Variants in PKN2 observed in about 807,000 individuals in gnomAD.
PKN2 encodes protein kinase N2.
In PKN2, 38 loss-of-function variants were observed where a neutral mutation model predicts 119.1. The ratio of observed to expected loss-of-function variants is 0.32; its 90% CI spans 0.25 to 0.42. PKN2 has a LOEUF of 0.42. Among genes scored for constraint, PKN2 ranks in the 10% least tolerant of loss-of-function variants. PKN2 has a pLI of 1.00. For synonymous variants in PKN2, 390 were observed against 384.9 expected (o/e 1.01, Z -0.15); for missense variants, 850 against 1,165.1 (o/e 0.73, Z 3.94).
At chr1:88,755,956 A>G (rs1225591578) in intron 2 of PKN2, among the ~76,000 whole-genome samples, 1 of 149,544 alleles carries the variant, frequency 6.7e-6, no homozygotes, top group Admixed American at 6.7e-5. Context: ...CTCTGTCACC[A>G]GGCTGGAGTT....
rs1041696737 is a variant in PKN2, at chr1:88,788,358, G to C, written c.1281+2145G>C. Among the ~76,000 whole-genome samples the C allele has an allele frequency of 4.6e-5, 7 of 152,064 alleles. No individual in the cohort carries two copies. In the South Asian group the frequency reaches 1.5e-3, roughly 32 times the overall value. ...CTATTAGAAAAAACGTTTTTAAATT[G>C]TTGGTATAATTTAGCTCCATTTTAC... On this transcript the variant is annotated intron_variant, in intron 8 of 21. Transcript: ENST00000370521.
intron 6 of PKN2, among the ~76,000 whole-genome samples, chr1:88,783,132 T>C (rs1255796502): frequency 6.6e-6 from 1 of 152,240 alleles, no homozygotes; most frequent in Non-Finnish European, 1.5e-5. Flanking sequence ...TGAGTATTGT[T>C]CTTTCTAACT....
In PKN2 at chr1:88,736,739, G is replaced by C. The variant is rs189625420; in HGVS notation, c.49-4249G>C. On this transcript the variant is annotated intron_variant, in intron 1 of 21. Coordinates refer to ENST00000370521, the MANE Select transcript of PKN2 (RefSeq NM_006256.4). ...TTTATTCCCCATTCAAAGCCTGGTG[G>C]TGGTTTGTTCCTGTTCTTCCAGAAA... 2.0e-3 allele frequency among the ~76,000 whole-genome samples: 297 copies of C among 152,266 alleles called. 1 individual carries two copies. The highest frequency in any genetic ancestry group is 2.3e-3 in the Non-Finnish European group (156 of 68,018).
intron 1 of PKN2, among the ~76,000 whole-genome samples, chr1:88,695,625 G>A (rs1428045359): frequency 1.3e-5 from 2 of 152,068 alleles, no homozygotes; most frequent in East Asian, 1.9e-4. Context: ...GTTCAACCAC[G>A]TGAGTTTCCT....
chr1:88,740,307 C>G (rs1668527358), intron 1 of PKN2, among the ~76,000 whole-genome samples: 1 of 151,952 alleles, frequency 6.6e-6, no homozygotes, highest in Non-Finnish European at 1.5e-5. Context: ...ATAAAGGTAT[C>G]TATTTTGCCA....
chr1:88,716,331 C>A, intron 1 of PKN2, among the ~76,000 whole-genome samples: 1 of 152,108 alleles, frequency 6.6e-6, no homozygotes, highest in Non-Finnish European at 1.5e-5. Context: ...GAGCTGAGTT[C>A]AAGTCCTGGA....
chr1:88,798,049 C>T (rs976815197), intron 8 of PKN2, among the ~76,000 whole-genome samples: 4 of 151,732 alleles, frequency 2.6e-5, no homozygotes, highest in Non-Finnish European at 5.9e-5. Context: ...TGCAAAAGCA[C>T]CAGAGGTATT....
intron 12 of PKN2, 138 bp from the exon 13 acceptor site, chr1:88,807,175 A>C (rs1671579858): frequency 1.5e-6 from 1 of 675,832 alleles, no homozygotes; most frequent in African/African-American, 1.9e-5. Flanking sequence ...AATTTTTTTA[A>C]AGAATGAGTA....
chr1:88,767,176 A>G (rs2100794167), intron 3 of PKN2, among the ~76,000 whole-genome samples: 1 of 152,308 alleles, frequency 6.6e-6, no homozygotes, highest in East Asian at 1.9e-4. Context: ...TTTAATGCCA[A>G]TTATGTGCTA....
At chr1:88,801,662 C>CTT (rs1380901347) in intron 8 of PKN2, among the ~76,000 whole-genome samples, 1 of 152,154 alleles carries the variant, frequency 6.6e-6, no homozygotes. Context: ...AAATGAAGAG[C>CTT]TTTATATGTA....
intron 8 of PKN2, among the ~76,000 whole-genome samples, chr1:88,790,258 T>C (rs548616718): frequency 3.3e-5 from 5 of 152,242 alleles, no homozygotes; most frequent in Non-Finnish European, 7.3e-5. Context: ...CTCCTCATGC[T>C]GGTGAATCAT....
chr1:88,793,837 GAA>G, intron 8 of PKN2, among the ~76,000 whole-genome samples: 1 of 151,616 alleles, frequency 6.6e-6, no homozygotes, highest in African/African-American at 2.4e-5. Flanking sequence ...ATATTGACAA[GAA>G]AAAAAAGTCT....
Position 88,741,138 on chromosome 1 carries a change from G to A in PKN2, c.199G>A (p.Glu67Lys). Residue 67 changes from glutamate to lysine, a missense_variant, in exon 2 of 22, where the codon GAA becomes AAA. Around this residue, in one of 9 missense-constraint regions of PKN2, gnomAD observed 350 missense variants for 511.1 expected, o/e 0.68. Transcript: ENST00000370521. ...AGAACTGAAAATCAAAGAAGGAGCT[G>A]AAAATCTGAGGAAAGTCACAACAGA... ...RKELKIKEGA[E>K]NLRKVTTDKK... 1 of 1,612,690 alleles carries A rather than the reference G, an allele frequency of 6.2e-7. No individual in the cohort carries two copies. Among genetic ancestry groups the A allele is most frequent in the Non-Finnish European group, 8.5e-7 (1 of 1,179,430 alleles).
chr1:88,704,215 T>G (rs1666882702), intron 1 of PKN2, among the ~76,000 whole-genome samples: 1 of 152,198 alleles, frequency 6.6e-6, no homozygotes, highest in South Asian at 2.1e-4. Context: ...TGTGGAGTTT[T>G]TATACAAAAA....
At chr1:88,703,563 T>C (rs1666857476) in intron 1 of PKN2, among the ~76,000 whole-genome samples, 1 of 152,140 alleles carries the variant, frequency 6.6e-6, no homozygotes, top group African/African-American at 2.4e-5. Context: ...TTTCTGTGAG[T>C]ATTTTGTATT....
chr1:88,758,867 T>C (rs1285688178), intron 2 of PKN2, among the ~76,000 whole-genome samples: 3 of 152,240 alleles, frequency 2.0e-5, no homozygotes, highest in Non-Finnish European at 4.4e-5. Flanking sequence ...TGTGTCTTTA[T>C]GACAGAACGA....
chr1:88,795,169 C>T (rs1163177560), intron 8 of PKN2, among the ~76,000 whole-genome samples: 1 of 152,196 alleles, frequency 6.6e-6, no homozygotes, highest in South Asian at 2.1e-4. Context: ...CAGCTTTCTC[C>T]TATCACCTGC....
rs566113132 is a variant in PKN2 at position 88,807,225 on chromosome 1, T to G, written c.1804-88T>G. Reference sequence around the variant, plus strand: ...TTCACTCCAACATTTATATTGACTTTTGAAATGTTTTTCCTTAATTTTATC... The same window carrying G: ...TTCACTCCAACATTTATATTGACTTGTGAAATGTTTTTCCTTAATTTTATC... On this transcript the variant is annotated intron_variant, in intron 12 of 21. Transcript: ENST00000370521. 35 of 949,456 alleles carry G rather than the reference T, an allele frequency of 3.7e-5. No homozygotes were observed. The African/African-American group carries it at 5.4e-4, about 15-fold the overall frequency. The allele number at this position is 949,456 out of a possible 1,614,324, so 58.8% of individuals were successfully genotyped here.
At position 88,823,840 on chromosome 1, in the gene PKN2, C is replaced by T. The variant is rs572554913; in HGVS notation, c.2343-470C>T. 1.1e-4 allele frequency among the ~76,000 whole-genome samples: 16 copies of T among 151,630 alleles called. No individual in the cohort carries two copies. The South Asian group carries it at 3.3e-3, about 32-fold the overall frequency. On this transcript the variant is annotated intron_variant, in intron 17 of 21. Coordinates refer to ENST00000370521, the MANE Select transcript of PKN2 (RefSeq NM_006256.4). ...CCTGGCCAAAATAGTGAAACCGCCT[C>T]TCTAATAAAAATACAAAAGTTAGCC...
Sources: gnomAD v4.1 joint callset for allele counts (sites outside exome capture counted in the v4.1 genomes callset) on GRCh38, gnomAD v4.1.1 for gene constraint, gnomAD v4.1.1 regional missense constraint, MANE v1.5 for transcripts, NCBI Gene and HGNC (gene_info 2026-07-23, HGNC 2026-07-21) for gene names.